Variants in OSBPL7 observed in about 807,000 individuals in gnomAD.
OSBPL7 encodes the protein oxysterol binding protein like 7.
OSBPL7 carries 66 observed loss-of-function variants against 115.8 expected under a neutral mutation model. That is an observed-to-expected ratio of 0.57 (90% CI 0.47 to 0.70). The LOEUF (loss-of-function observed/expected upper bound fraction) is 0.70, where lower values mean the gene tolerates loss of function less well. Among genes scored for constraint, OSBPL7 ranks in the 30% least tolerant of loss-of-function variants. The probability of loss-of-function intolerance (pLI) is 0.00; values close to 1 mark genes in which losing one functional copy is unlikely to be tolerated. For synonymous variants in OSBPL7, 441 were observed against 439.2 expected (o/e 1.00, Z -0.05); for missense variants, 902 against 1,125.5 (o/e 0.80, Z 2.84).
chr17:47,815,387 G>C lies in OSBPL7; in HGVS notation c.1120-35C>G, dbSNP rs570016236. 32 of 1,611,144 alleles carry C rather than the reference G, an allele frequency of 2.0e-5. No homozygotes were observed. The South Asian group carries it at 3.1e-4, about 16-fold the overall frequency. On this transcript the variant is annotated intron_variant, in intron 12 of 22. Coordinates refer to ENST00000007414, the MANE Select transcript of OSBPL7 (RefSeq NM_145798.3). ...CAGCCAGATGGATGTCAGGCTCCGG[G>C]GCCAAGCCGGGGGGATCAAGCAGGG... is the stretch of plus-strand genomic sequence containing the variant.
At chr17:47,819,919 ATT>A in intron 3 of OSBPL7, 50 bp downstream of exon 3, 25 of 335,580 alleles carry the variant, frequency 7.4e-5, no homozygotes, top group Non-Finnish European at 1.1e-4. Flanking sequence ...GCTGCCCCCC[ATT>A]CCCACCCCGC....
chr17:47,809,538 G>A (rs950534213), intron 18 of OSBPL7, 60 bp from the exon 19 acceptor site: 1 of 1,572,892 alleles, frequency 6.4e-7, no homozygotes. Context: ...GTGAGTCAGG[G>A]GCCTCCTGTC....
rs1244763487 is a variant in OSBPL7 at position 47,809,083 on chromosome 17, CCAGATG to C, written c.2157_2162del (p.Cys719_Ile720del). 1.9e-6 allele frequency: 3 copies of C among 1,613,994 alleles called. No individual in the cohort carries two copies. Among genetic ancestry groups the C allele is most frequent in the Admixed American group, 1.7e-5 (1 of 60,028 alleles). Reference sequence around the variant, plus strand: ...TGTGACCCCTCCACTTACTGGGTTTCCAGATGCACTGGCCACCTGGCGTGGGTCCCC... The same window carrying C: ...TGTGACCCCTCCACTTACTGGGTTTCCACTGGCCACCTGGCGTGGGTCCCC... On this transcript the variant is annotated inframe_deletion, in exon 20 of 23. Coordinates refer to ENST00000007414, the MANE Select transcript of OSBPL7 (RefSeq NM_145798.3).
intron 2 of OSBPL7, 34 bp from the exon 3 acceptor site, chr17:47,820,130 T>C: frequency 6.2e-7 from 1 of 1,613,286 alleles, no homozygotes. Flanking sequence ...GGAGCACTGG[T>C]GAGACGTCCG....
At position 47,818,848 on chromosome 17, in the gene OSBPL7, T is replaced by TA. The variant is rs2033311481; in HGVS notation, c.369+137dup. 3.5e-6 allele frequency: 3 copies of TA among 852,784 alleles called. No individual in the cohort carries two copies. In the East Asian group the frequency reaches 7.9e-5, roughly 23 times the overall value. The allele number at this position is 852,784 out of a possible 1,614,324, so 52.8% of individuals were successfully genotyped here. On this transcript the variant is annotated intron_variant, in intron 5 of 22. Transcript: ENST00000007414. The stretch of plus-strand genomic sequence containing the variant: ...GTGCAGGTTTGCCCTTGGCTGTTTT[T>TA]ACAGGATGGAAACTTACTTTTTGTC...
chr17:47,818,608 G>A lies in OSBPL7; in HGVS notation c.378C>T (p.Ser126=), dbSNP rs1472483940. Residue 126 remains serine (S), a synonymous_variant, in exon 6 of 23, where the codon TCC becomes TCT. Transcript: ENST00000007414. The stretch of plus-strand genomic sequence containing the variant: ...CCACCCAGCTCTGGAATAGGTCCTG[G>A]GATTTGATCTGCAGAAGTGATGGAG... ...EDNIYHLKIK[S]QDLFQSWVAQ... The A allele has an allele frequency of 1.7e-5, 28 of 1,612,544 alleles. No homozygotes were observed. In the Middle Eastern group the frequency reaches 7.2e-4, roughly 41 times the overall value.
In OSBPL7 at chr17:47,816,989, C is replaced by T; in HGVS notation, c.703-117G>A. 9.7e-7 allele frequency: 1 copy of T among 1,029,864 alleles called. No individual in the cohort carries two copies. The highest frequency in any genetic ancestry group is 1.5e-6 in the Non-Finnish European group (1 of 663,618). 63.8% of individuals were successfully genotyped at this position (1,029,864 alleles called of 1,614,324 possible). A position where few individuals can be genotyped will look rare whatever the true frequency, so the allele number is the denominator to read the frequency against. On this transcript the variant is annotated intron_variant, in intron 8 of 22. Transcript: ENST00000007414. This position sits in a 1 kb window ranked among gnomAD's most constrained non-coding sequence, Gnocchi z 5.8. ...GCCATGGAGGAGGGCGCAGATTACC[C>T]AGCACAGAGGATGCGGCCGCTCAGG...
chr17:47,813,172 G>T, intron 16 of OSBPL7, 94 bp downstream of exon 16: 2 of 1,528,208 alleles, frequency 1.3e-6, no homozygotes, highest in Non-Finnish European at 1.8e-6. Context: ...TCCTCTCCCA[G>T]GCCCTGGTCC....
chr17:47,819,347 T>C (rs1251715437), intron 4 of OSBPL7: 3 of 565,294 alleles, frequency 5.3e-6, no homozygotes, highest in Non-Finnish European at 9.5e-6. Context: ...CCCTCAGGGG[T>C]CTGCAGGGTT....
chr17:47,814,966 T>C (rs968628443), intron 13 of OSBPL7: 2 of 570,806 alleles, frequency 3.5e-6, no homozygotes, highest in African/African-American at 3.7e-5. Context: ...ATGACCGGGG[T>C]TGCAACTATG....
rs1567943530 is a variant in OSBPL7 at position 47,816,768 on chromosome 17, G to A, written c.795+12C>T. ...CCTGCCCCAGCTACGTGAGGTGCATGCCCGACCTCACCCGTCCAATGGTGT... is the reference window on the plus strand; with the variant it reads ...CCTGCCCCAGCTACGTGAGGTGCATACCCGACCTCACCCGTCCAATGGTGT... On this transcript the variant is annotated intron_variant, in intron 9 of 22. Coordinates refer to ENST00000007414, the MANE Select transcript of OSBPL7 (RefSeq NM_145798.3). The surrounding 1 kb of genome is among the most constrained non-coding windows in gnomAD (Gnocchi z 5.8). 6 of 1,614,062 alleles carry A rather than the reference G, an allele frequency of 3.7e-6. No individual in the cohort carries two copies. Among genetic ancestry groups the A allele is most frequent in the African/African-American group, 2.7e-5 (2 of 74,938 alleles).
Position 47,808,553 on chromosome 17 carries a change from T to G in OSBPL7, c.2405A>C (p.Gln802Pro). 3 of 1,614,172 alleles carry G rather than the reference T, an allele frequency of 1.9e-6. No homozygotes were observed. The highest frequency in any genetic ancestry group is 2.5e-6 in the Non-Finnish European group (3 of 1,180,014). The change falls in exon 22 of 23, where the codon CAG (glutamine) becomes CCG (proline). Residue 802 changes from glutamine to proline, a missense_variant. This residue lies in a region of OSBPL7 where 230 missense variants were observed against 312.7 expected (regional missense o/e 0.74). Transcript: ENST00000007414. The surrounding 1 kb of genome is among the most constrained non-coding windows in gnomAD (Gnocchi z 6.1). ...GCCGAGGCACCTGAAGAAGCGAGCC[T>G]GGTGTACGATGTTGTTTTCCTCCAT... ...KVMEENNIVH[Q>P]ARFFRRQTDS...
intron 13 of OSBPL7, chr17:47,814,861 G>C (rs1466361914): frequency 1.7e-6 from 1 of 577,006 alleles, no homozygotes; most frequent in South Asian, 2.2e-5. Flanking sequence ...GACTTGATGG[G>C]ACACAGAGGG....
chr17:47,814,482 C>G, intron 14 of OSBPL7, 39 bp downstream of exon 14: 3 of 1,062,014 alleles, frequency 2.8e-6, no homozygotes, highest in Non-Finnish European at 4.3e-6. Flanking sequence ...TTTTTCCACC[C>G]GCCTCCCACC....
chr17:47,810,809 G>A lies in OSBPL7; in HGVS notation c.1764C>T (p.Ala588=). Residue 588 remains alanine (A), a synonymous_variant, in exon 17 of 23, where the codon GCC becomes GCT. Coordinates refer to ENST00000007414, the MANE Select transcript of OSBPL7 (RefSeq NM_145798.3). The part of the protein sequence containing the change: ...EQVSHHPPIS[A]CHAESENFAF... The stretch of plus-strand genomic sequence containing the variant: ...CGAAGTTCTCAGACTCTGCATGGCA[G>A]GCCGAGATAGGGGGGTGGTGGGAGA... 2 of 1,613,934 alleles carry A rather than the reference G, an allele frequency of 1.2e-6. No individual in the cohort carries two copies. The highest frequency in any genetic ancestry group is 1.7e-6 in the Non-Finnish European group (2 of 1,179,976).
chr17:47,817,890 CCTCT>C (rs368151805), intron 7 of OSBPL7, among the ~76,000 whole-genome samples: 1 of 151,252 alleles, frequency 6.6e-6, no homozygotes, highest in African/African-American at 2.4e-5. Context: ...ATGTGCTCAC[CCTCT>C]CTCTCTCTCT....
At chr17:47,810,391 A>G (rs536142385) in intron 18 of OSBPL7, among the ~76,000 whole-genome samples, 3 of 152,182 alleles carry the variant, frequency 2.0e-5, no homozygotes. Flanking sequence ...TTCCAGCTCT[A>G]CTACGTTCCA....
At chr17:47,812,047 CA>C (rs1432775873) in intron 16 of OSBPL7, among the ~76,000 whole-genome samples, 1 of 152,112 alleles carries the variant, frequency 6.6e-6, no homozygotes, top group East Asian at 1.9e-4. Flanking sequence ...TCCAAACAAA[CA>C]AACAAACACA....
intron 16 of OSBPL7, 119 bp from the exon 17 acceptor site, chr17:47,810,954 C>T (rs974832986): frequency 2.0e-5 from 20 of 978,362 alleles, no homozygotes; most frequent in Non-Finnish European, 3.1e-5. Flanking sequence ...TTCCAGGTTT[C>T]CTGTCCCTAT....
Sources: allele counts gnomAD v4.1 joint callset (sites outside exome capture counted in the v4.1 genomes callset), GRCh38; gene constraint gnomAD v4.1.1; regional missense constraint gnomAD v4.1.1; non-coding constraint Gnocchi (gnomAD v3.1); transcripts MANE v1.5; gene names NCBI Gene and HGNC (gene_info 2026-07-23, HGNC 2026-07-21).